The following TIA1 variants were observed in gnomAD, a reference collection of about 807,000 sequenced individuals.
TIA1 encodes the protein cytotoxic granule associated RNA binding protein TIA1.
In TIA1, 23 loss-of-function variants were observed where a neutral mutation model predicts 65.9. The ratio of observed to expected loss-of-function variants is 0.35; its 90% confidence interval spans 0.25 to 0.49. The LOEUF (loss-of-function observed/expected upper bound fraction) is 0.49. Among genes scored for constraint, TIA1 ranks in the 20% least tolerant of loss-of-function variants. TIA1 has a pLI of 0.98. For missense variants in TIA1, 371 were observed against 477.9 expected (o/e 0.78, Z 2.09); for synonymous variants, 147 against 149.4 (o/e 0.98, Z 0.12).
chr2:70,242,987 A>G (rs1692593539), intron 1 of TIA1, among the ~76,000 whole-genome samples: 2 of 152,152 alleles, frequency 1.3e-5, no homozygotes, highest in South Asian at 2.1e-4. Flanking sequence ...CATTGCAGTG[A>G]TATTTATTGC....
chr2:70,239,117 G>A (rs563382020), intron 1 of TIA1, among the ~76,000 whole-genome samples: 3 of 152,202 alleles, frequency 2.0e-5, no homozygotes, highest in East Asian at 1.9e-4. Flanking sequence ...TTTAGAGACG[G>A]AGTCTTGCTC....
chr2:70,216,666 A>T, intron 8 of TIA1, 167 bp from the exon 9 acceptor site: 2 of 1,406,966 alleles, frequency 1.4e-6, no homozygotes, highest in African/African-American at 1.4e-5. Flanking sequence ...ACGAATGTCT[A>T]AAAAATTACC....
chr2:70,219,792 G>A (rs1184332289), intron 7 of TIA1, among the ~76,000 whole-genome samples: 2 of 146,116 alleles, frequency 1.4e-5, no homozygotes, highest in African/African-American at 5.1e-5. Context: ...GCCCAGGCTG[G>A]TTTCTAACTC....
At chr2:70,218,176 A>G (rs1316692481) in intron 7 of TIA1, among the ~76,000 whole-genome samples, 3 of 152,218 alleles carry the variant, frequency 2.0e-5, no homozygotes, top group Non-Finnish European at 4.4e-5. Context: ...GACAGGATGA[A>G]TAAGAAAGGT....
intron 2 of TIA1, among the ~76,000 whole-genome samples, chr2:70,235,863 CAAATT>C (rs1316941086): frequency 2.0e-5 from 3 of 152,024 alleles, no homozygotes; most frequent in African/African-American, 7.2e-5. Flanking sequence ...TGTAATAAAA[CAAATT>C]AAATTCAGCT....
intron 2 of TIA1, among the ~76,000 whole-genome samples, chr2:70,232,497 G>A (rs1351728885): frequency 3.4e-5 from 4 of 116,870 alleles, no homozygotes; most frequent in African/African-American, 1.0e-4. Context: ...CCGAGATTGC[G>A]CCATTGCACT....
chr2:70,224,148 C>T (rs1682794527), intron 7 of TIA1, among the ~76,000 whole-genome samples: 1 of 151,976 alleles, frequency 6.6e-6, no homozygotes, highest in Non-Finnish European at 1.5e-5. Context: ...AAAGTCCTGA[C>T]CTCAGGTGAT....
At chr2:70,229,191 T>A in intron 4 of TIA1, 73 bp downstream of exon 4, 3 of 1,600,464 alleles carry the variant, frequency 1.9e-6, no homozygotes, top group Non-Finnish European at 2.6e-6. Flanking sequence ...ACATGTATGA[T>A]GTTTATAGGC....
At chr2:70,246,768 G>T (rs1694556373) in intron 1 of TIA1, among the ~76,000 whole-genome samples, 1 of 151,966 alleles carries the variant, frequency 6.6e-6, no homozygotes, top group African/African-American at 2.4e-5. Flanking sequence ...CGCATGTAGT[G>T]CCAGCTACTT....
intron 7 of TIA1, among the ~76,000 whole-genome samples, chr2:70,221,899 C>A (rs1296667193): frequency 6.6e-6 from 1 of 151,830 alleles, no homozygotes; most frequent in South Asian, 2.1e-4. Flanking sequence ...GTGATTCCCC[C>A]ACCTCTGCCT....
At chr2:70,230,938 C>A in intron 2 of TIA1, 84 bp from the exon 3 acceptor site, 6 of 995,648 alleles carry the variant, frequency 6.0e-6, no homozygotes, top group African/African-American at 1.7e-5. Flanking sequence ...AATCTTAAAC[C>A]AAGTTTTATA....
chr2:70,226,718 A>G (rs988897352), intron 6 of TIA1, among the ~76,000 whole-genome samples: 1 of 152,176 alleles, frequency 6.6e-6, no homozygotes, highest in African/African-American at 2.4e-5. Context: ...AAACTCTAAG[A>G]TATTATTAAG....
intron 6 of TIA1, among the ~76,000 whole-genome samples, chr2:70,225,692 G>A (rs919534148): frequency 1.3e-5 from 2 of 152,178 alleles, no homozygotes; most frequent in Non-Finnish European, 2.9e-5. Flanking sequence ...TGACAAAGAC[G>A]TGGTGGTGAA....
intron 2 of TIA1, among the ~76,000 whole-genome samples, chr2:70,231,921 C>A (rs910563726): frequency 6.6e-6 from 1 of 152,102 alleles, no homozygotes; most frequent in Admixed American, 6.5e-5. Flanking sequence ...ATTATCTTCC[C>A]GCCAGGCGCA....
intron 7 of TIA1, among the ~76,000 whole-genome samples, chr2:70,218,747 A>G (rs1272206303): frequency 4.6e-5 from 7 of 152,248 alleles, no homozygotes; most frequent in Admixed American, 2.0e-4. Context: ...GGCCATTCTT[A>G]GCGCTAAGAG....
intron 6 of TIA1, 182 bp from the exon 7 acceptor site, chr2:70,224,811 T>C: frequency 7.2e-7 from 1 of 1,385,448 alleles, no homozygotes; most frequent in South Asian, 1.7e-5. Context: ...TTTATAGACA[T>C]GCAAATCAAT....
At chr2:70,247,573 CG>C (rs1466886611) in intron 1 of TIA1, among the ~76,000 whole-genome samples, 1 of 152,030 alleles carries the variant, frequency 6.6e-6, no homozygotes, top group Admixed American at 6.6e-5. Flanking sequence ...AAACAAAGAA[CG>C]CAGTTGGGGA....
chr2:70,247,099 G>A (rs1447232691), intron 1 of TIA1, among the ~76,000 whole-genome samples: 1 of 152,128 alleles, frequency 6.6e-6, no homozygotes, highest in Non-Finnish European at 1.5e-5. Flanking sequence ...ACACCGTGAG[G>A]CTAGTAGTTT....
At chr2:70,238,262 T>TTG (rs1414794807) in intron 1 of TIA1, among the ~76,000 whole-genome samples, 2 of 109,322 alleles carry the variant, frequency 1.8e-5, no homozygotes, top group African/African-American at 9.9e-5. Flanking sequence ...TCCCCCAAGT[T>TTG]TTTTTTTTTT....
Sources: allele counts gnomAD v4.1 joint callset (sites outside exome capture counted in the v4.1 genomes callset), GRCh38; gene constraint gnomAD v4.1.1; transcripts MANE v1.5; gene names NCBI Gene and HGNC (gene_info 2026-07-23, HGNC 2026-07-21).